DISP1: variants seen among roughly 807,000 people sequenced by gnomAD.
The protein encoded by DISP1 is dispatched RND transporter family member 1, also known as protein dispatched homolog 1.
In DISP1, 30 loss-of-function variants were observed where a neutral mutation model predicts 37.3. The ratio of observed to expected loss-of-function variants is 0.80; its 90% CI spans 0.60 to 1.09. The LOEUF is 1.09. DISP1 is among the 50% of genes least tolerant of loss of function. The probability of loss-of-function intolerance (pLI) is 0.00; values close to 1 mark genes in which losing one functional copy is unlikely to be tolerated. For synonymous variants in DISP1, 634 were observed against 690.2 expected, an observed-to-expected ratio of 0.92 and a Z score of 1.28; for missense variants, 1,598 against 1,879.5, an observed-to-expected ratio of 0.85 and a Z score of 2.77.
intron 4 of DISP1, among the ~76,000 whole-genome samples, chr1:222,987,743 A>G (rs184165318): frequency 6.6e-6 from 1 of 152,238 alleles, no homozygotes; most frequent in Admixed American, 6.5e-5. Context: ...TAACATGTTA[A>G]TAGGTAAAAA....
At chr1:222,918,195 C>G (rs1672602818) in intron 1 of DISP1, among the ~76,000 whole-genome samples, 1 of 152,144 alleles carries the variant, frequency 6.6e-6, no homozygotes, top group Admixed American at 6.5e-5. Flanking sequence ...GGGTGGGTCT[C>G]CAGAGGCATA....
intron 1 of DISP1, among the ~76,000 whole-genome samples, chr1:222,888,912 A>C (rs938727550): frequency 6.6e-6 from 1 of 152,052 alleles, no homozygotes; most frequent in African/African-American, 2.4e-5. Context: ...AAAATTTTTT[A>C]AATGGGCAAA....
chr1:222,888,427 G>GT (rs1034833829), intron 1 of DISP1, among the ~76,000 whole-genome samples: 20 of 152,040 alleles, frequency 1.3e-4, no homozygotes, highest in African/African-American at 4.6e-4. Context: ...TTAAGGAAAA[G>GT]TTTTTTTAAA....
Position 223,002,696 on chromosome 1 carries a change from C to T in DISP1, c.1299C>T (p.Asp433=). Residue 433 remains aspartate (D), a synonymous_variant, in exon 9 of 9, where the codon GAC becomes GAT. Transcript: ENST00000675850. ...ACCAGATCCTCCATTACTTGGTGGA[C>T]AAAGACTTTATGACCCCAAAGACGG... ...AVYQILHYLV[D]KDFMTPKTAD... is the part of the protein sequence containing the mutation. The T allele has an allele frequency of 6.2e-7, 1 of 1,614,096 alleles. No homozygotes were observed. Among genetic ancestry groups the T allele is most frequent in the Non-Finnish European group, 8.5e-7 (1 of 1,180,028 alleles).
intron 1 of DISP1, among the ~76,000 whole-genome samples, chr1:222,884,861 G>A (rs1336115394): frequency 6.6e-6 from 1 of 152,092 alleles, no homozygotes; most frequent in African/African-American, 2.4e-5. Flanking sequence ...TTGGTGAGAC[G>A]GAGTCTCGCT....
chr1:222,964,528 G>T (rs1676324361), intron 3 of DISP1, among the ~76,000 whole-genome samples: 2 of 152,124 alleles, frequency 1.3e-5, no homozygotes, highest in Non-Finnish European at 2.9e-5. Flanking sequence ...AGCAGGTGCT[G>T]TGCAGGTTCA....
intron 3 of DISP1, among the ~76,000 whole-genome samples, chr1:222,970,590 A>C (rs1453523072): frequency 1.3e-5 from 2 of 152,146 alleles, no homozygotes. Context: ...GAATTATCTA[A>C]AATTCCACAG....
chr1:222,831,659 A>T (rs1665778770), intron 1 of DISP1, among the ~76,000 whole-genome samples: 1 of 152,210 alleles, frequency 6.6e-6, no homozygotes, highest in Admixed American at 6.5e-5. Flanking sequence ...AACTTTATAC[A>T]TAATGACTTG....
intron 3 of DISP1, among the ~76,000 whole-genome samples, chr1:222,949,171 A>G (rs1300155558): frequency 6.6e-6 from 1 of 152,192 alleles, no homozygotes; most frequent in Non-Finnish European, 1.5e-5. Context: ...TGGCAGGCCA[A>G]TCACTTGAGG....
intron 1 of DISP1, among the ~76,000 whole-genome samples, chr1:222,896,222 T>A (rs1197263059): frequency 6.6e-6 from 1 of 152,218 alleles, no homozygotes; most frequent in East Asian, 1.9e-4. Flanking sequence ...ATGGGAGGAT[T>A]TCTTGAGCCT....
chr1:222,902,047 TTTC>T (rs1445205454), intron 1 of DISP1, among the ~76,000 whole-genome samples: 1 of 152,166 alleles, frequency 6.6e-6, no homozygotes, highest in African/African-American at 2.4e-5. Flanking sequence ...TCTTCTCTCT[TTTC>T]TTCTTTATTA....
Position 222,943,170 on chromosome 1 carries a change from G to T in DISP1, c.347G>T (p.Cys116Phe). 2 of 1,611,442 alleles carry T rather than the reference G, an allele frequency of 1.2e-6. No individual in the cohort carries two copies. The highest frequency in any genetic ancestry group is 1.7e-6 in the Non-Finnish European group (2 of 1,177,716). ...GCACCCTCTGCTTTGGCCTCGTGTT[G>T]CATGCAGCCACACTCCGAGTATTCT... is the stretch of plus-strand genomic sequence containing the variant. ...PAAPSALASC[C>F]MQPHSEYSAS... Residue 116 changes from cysteine to phenylalanine, a missense_variant, in exon 3 of 9, where the codon TGC (cysteine) becomes TTC (phenylalanine). By Grantham distance (205) the Cys-to-Phe change is radical. Transcript: ENST00000675850.
chr1:222,874,950 C>G (rs1403156901), intron 1 of DISP1, among the ~76,000 whole-genome samples: 2 of 152,006 alleles, frequency 1.3e-5, no homozygotes, highest in Non-Finnish European at 2.9e-5. Flanking sequence ...GTTCTTACCA[C>G]CTCTTAATAC....
chr1:222,867,099 A>G (rs1192653950), intron 1 of DISP1, among the ~76,000 whole-genome samples: 1 of 152,226 alleles, frequency 6.6e-6, no homozygotes, highest in East Asian at 1.9e-4. Context: ...CTTGGTAAAA[A>G]GCTATTGAAT....
chr1:222,971,350 C>A (rs758572481), intron 3 of DISP1, among the ~76,000 whole-genome samples: 1 of 151,808 alleles, frequency 6.6e-6, no homozygotes, highest in Non-Finnish European at 1.5e-5. Context: ...TTGGTTACAC[C>A]GTTGGAGTTC....
chr1:222,831,263 A>G (rs1364430579), intron 1 of DISP1, among the ~76,000 whole-genome samples: 1 of 152,206 alleles, frequency 6.6e-6, no homozygotes, highest in African/African-American at 2.4e-5. Flanking sequence ...TAAGTATTGC[A>G]TAGTTTGACA....
chr1:222,885,901 C>T (rs532595325), intron 1 of DISP1, among the ~76,000 whole-genome samples: 141 of 151,454 alleles, frequency 9.3e-4, no homozygotes, highest in African/African-American at 3.1e-3. Flanking sequence ...CACATACACA[C>T]GGACTAGTAT....
At chr1:222,839,737 A>G (rs1217890916) in intron 1 of DISP1, among the ~76,000 whole-genome samples, 4 of 152,108 alleles carry the variant, frequency 2.6e-5, no homozygotes, top group African/African-American at 9.7e-5. Flanking sequence ...GATCAAGACC[A>G]TCCTGGCCAA....
At chr1:222,851,544 A>G (rs1350552330) in intron 1 of DISP1, among the ~76,000 whole-genome samples, 1 of 152,196 alleles carries the variant, frequency 6.6e-6, no homozygotes, top group East Asian at 1.9e-4. Flanking sequence ...TTTCTATACA[A>G]TAAAAAGTGT....
Sources: allele counts gnomAD v4.1 joint callset (sites outside exome capture counted in the v4.1 genomes callset), GRCh38; gene constraint gnomAD v4.1.1; transcripts MANE v1.5; gene names NCBI Gene and HGNC (gene_info 2026-07-23, HGNC 2026-07-21).